The following CDH13 variants were observed in gnomAD, a reference collection of about 807,000 sequenced individuals.
The protein encoded by CDH13 is cadherin-13.
In CDH13, 24 loss-of-function variants were observed where a neutral mutation model predicts 63.8. The observed-to-expected ratio is 0.38, with a 90% CI of 0.27 to 0.53. The LOEUF (loss-of-function observed/expected upper bound fraction) is 0.53, where lower values mean the gene tolerates loss of function less well. CDH13 is among the 20% of genes least tolerant of loss of function. CDH13 has a pLI of 0.85. For synonymous variants in CDH13, 503 were observed against 355.3 expected (o/e 1.42, Z -4.67); for missense variants, 1,049 against 903.1 (o/e 1.16, Z -2.07).
rs117330671 is a variant in CDH13 at position 82,693,174 on chromosome 16, C to G, written c.45+66037C>G. On this transcript the variant is annotated intron_variant, in intron 1 of 13. Transcript: ENST00000567109. ...TGCCATGGACTTTGAGATGAGACCC[C>G]AGACCTGGATGATCCTTTGAAGCCT... Among the ~76,000 whole-genome samples, 76 of 152,286 alleles carry G rather than the reference C, an allele frequency of 5.0e-4. No homozygotes were observed. The East Asian group carries it at 0.014, about 27-fold the overall frequency.
chr16:82,737,081 T>A (rs1460513344), intron 1 of CDH13, among the ~76,000 whole-genome samples: 1 of 152,256 alleles, frequency 6.6e-6, no homozygotes, highest in African/African-American at 2.4e-5. Flanking sequence ...TATCTTGTCA[T>A]AGTTTCATTT....
At chr16:83,243,456 A>G (rs1904676619) in intron 5 of CDH13, among the ~76,000 whole-genome samples, 1 of 152,118 alleles carries the variant, frequency 6.6e-6, no homozygotes, top group African/African-American at 2.4e-5. Context: ...ACCTACCCCC[A>G]TGATTCACTT....
At chr16:83,301,311 G>T (rs1013377218) in intron 5 of CDH13, among the ~76,000 whole-genome samples, 10 of 152,098 alleles carry the variant, frequency 6.6e-5, no homozygotes, top group African/African-American at 2.4e-4. Flanking sequence ...GATTACAGGC[G>T]TGAGCCACCG....
chr16:83,207,390 G>C (rs2039213213), intron 4 of CDH13, among the ~76,000 whole-genome samples: 1 of 152,196 alleles, frequency 6.6e-6, no homozygotes, highest in Non-Finnish European at 1.5e-5. Context: ...AAGTTCATTT[G>C]TGTTGCAATA....
At chr16:82,906,085 C>G (rs1020822223) in intron 2 of CDH13, among the ~76,000 whole-genome samples, 1 of 152,158 alleles carries the variant, frequency 6.6e-6, no homozygotes, top group Admixed American at 6.5e-5. Flanking sequence ...TATCTACCTA[C>G]CTACCTACCT....
intron 7 of CDH13, among the ~76,000 whole-genome samples, chr16:83,558,965 G>A (rs1283206947): frequency 1.4e-5 from 2 of 145,174 alleles, no homozygotes; most frequent in Admixed American, 1.4e-4. Context: ...ACACCATGGA[G>A]GACCACAGGC....
intron 6 of CDH13, among the ~76,000 whole-genome samples, chr16:83,426,446 T>C (rs2071897607): frequency 2.6e-5 from 4 of 152,178 alleles, no homozygotes; most frequent in Non-Finnish European, 5.9e-5. Context: ...AATCTCCTCC[T>C]GGACCATAAC....
intron 6 of CDH13, among the ~76,000 whole-genome samples, chr16:83,420,926 T>C (rs776921616): frequency 6.6e-6 from 1 of 152,158 alleles, no homozygotes; most frequent in Non-Finnish European, 1.5e-5. Flanking sequence ...GAAAAAGAAG[T>C]AAGACGGAAG....
intron 2 of CDH13, among the ~76,000 whole-genome samples, chr16:82,916,262 G>T (rs16958849): frequency 6.6e-6 from 1 of 152,038 alleles, no homozygotes; most frequent in East Asian, 1.9e-4. Flanking sequence ...TGAGAGATTC[G>T]TGTAAAATGA....
chr16:83,139,481 A>G (rs936184830), intron 4 of CDH13, among the ~76,000 whole-genome samples: 1 of 152,228 alleles, frequency 6.6e-6, no homozygotes, highest in African/African-American at 2.4e-5. Flanking sequence ...ATTAGTTTAC[A>G]CAATTCACAG....
intron 5 of CDH13, among the ~76,000 whole-genome samples, chr16:83,298,066 A>C (rs796145247): frequency 5.3e-5 from 8 of 150,350 alleles, no homozygotes; most frequent in African/African-American, 7.4e-5. Flanking sequence ...AAAAAAAAGA[A>C]AAAGAAAAAG....
intron 3 of CDH13, among the ~76,000 whole-genome samples, chr16:83,042,688 T>C (rs546357398): frequency 6.6e-6 from 1 of 152,346 alleles, no homozygotes; most frequent in East Asian, 1.9e-4. Context: ...ACTGCTGCTC[T>C]AAATAATTCC....
rs1218915757 is a variant in CDH13 at position 83,134,582 on chromosome 16, AGAGAGAGAGAGT to A, written c.483+9085_483+9096del. On this transcript the variant is annotated intron_variant, in intron 4 of 13. Coordinates refer to ENST00000567109, the MANE Select transcript of CDH13 (RefSeq NM_001257.5). ...GAGAGAGAGAGAGAGAGAGAGAGAG[AGAGAGAGAGAGT>A]GAGTTACATGACTGTATTTCTGAAT... is the stretch of plus-strand genomic sequence containing the variant. Among the ~76,000 whole-genome samples, 419 of 62,060 alleles carry A rather than the reference AGAGAGAGAGAGT, an allele frequency of 6.8e-3. 33 individuals are homozygous for A. The highest frequency in any genetic ancestry group is 0.042 in the African/African-American group (380 of 9,156). 40.7% of individuals were successfully genotyped at this position (62,060 alleles called of 152,430 possible).
chr16:83,550,313 A>G (rs1004253948), intron 7 of CDH13, among the ~76,000 whole-genome samples: 1 of 152,208 alleles, frequency 6.6e-6, no homozygotes, highest in Non-Finnish European at 1.5e-5. Context: ...TTTTTCAACC[A>G]GGGGGCGCTG....
intron 6 of CDH13, among the ~76,000 whole-genome samples, chr16:83,466,456 GC>G (rs1451050180): frequency 1.3e-5 from 2 of 152,214 alleles, no homozygotes; most frequent in African/African-American, 4.8e-5. Context: ...TCCACTGTCA[GC>G]AGGCTAGATG....
At chr16:83,345,735 TA>T (rs1193084601) in intron 6 of CDH13, among the ~76,000 whole-genome samples, 4 of 152,040 alleles carry the variant, frequency 2.6e-5, no homozygotes, top group African/African-American at 9.7e-5. Context: ...AATGAAAGAA[TA>T]AAACAGAAAA....
chr16:82,947,562 A>C (rs1426280165), intron 2 of CDH13, among the ~76,000 whole-genome samples: 1 of 152,204 alleles, frequency 6.6e-6, no homozygotes, highest in Non-Finnish European at 1.5e-5. Context: ...AGAATGGTAC[A>C]AAATTAAGTA....
At chr16:83,588,936 C>A (rs1462373885) in intron 7 of CDH13, among the ~76,000 whole-genome samples, 1 of 152,140 alleles carries the variant, frequency 6.6e-6, no homozygotes, top group Non-Finnish European at 1.5e-5. Context: ...AGCGGTCACC[C>A]CCCAGAGAAG....
At chr16:83,102,924 C>CTTTTTTTT (rs1181514349) in intron 3 of CDH13, among the ~76,000 whole-genome samples, 1 of 58,438 alleles carries the variant, frequency 1.7e-5, no homozygotes, top group Non-Finnish European at 3.4e-5. Flanking sequence ...TTTTTTTTTT[C>CTTTTTTTT]TTTTTCTTTT....
Sources: allele counts gnomAD v4.1 joint callset (sites outside exome capture counted in the v4.1 genomes callset), GRCh38; gene constraint gnomAD v4.1.1; transcripts MANE v1.5; gene names NCBI Gene and HGNC (gene_info 2026-07-23, HGNC 2026-07-21).